Variants in EIPR1 observed in about 807,000 individuals in gnomAD.
EIPR1 encodes the protein EARP complex and GARP complex interacting protein 1, also known as EARP and GARP complex-interacting protein 1.
A neutral mutation model predicts 48.1 loss-of-function variants in EIPR1; 25 were observed. The observed-to-expected ratio is 0.52, with a 90% confidence interval of 0.38 to 0.73. The LOEUF (loss-of-function observed/expected upper bound fraction) is 0.73, where lower values mean the gene tolerates loss of function less well. Among genes scored for constraint, EIPR1 ranks in the 30% least tolerant of loss-of-function variants. The pLI, the probability that EIPR1 is intolerant of heterozygous loss-of-function variation, is 0.00. For missense variants in EIPR1, 415 were observed against 506.2 expected (o/e 0.82, Z 1.73); for synonymous variants, 204 against 201.9 (o/e 1.01, Z -0.09).
chr2:3,319,014 T>C (rs1238705251), intron 3 of EIPR1: 9 of 466,560 alleles, frequency 1.9e-5, no homozygotes, highest in South Asian at 9.3e-5. Flanking sequence ...AACAAAATAG[T>C]TGGGTCCATA....
chr2:3,311,708 G>T (rs904159319), intron 3 of EIPR1, among the ~76,000 whole-genome samples: 4 of 151,596 alleles, frequency 2.6e-5, no homozygotes, highest in African/African-American at 9.7e-5. Context: ...GGCGCCAGGG[G>T]CCTCCAGTCA....
At chr2:3,245,289 T>C (rs993015829) in intron 4 of EIPR1, among the ~76,000 whole-genome samples, 1 of 152,194 alleles carries the variant, frequency 6.6e-6, no homozygotes, top group Non-Finnish European at 1.5e-5. Context: ...CTGGGATCAC[T>C]GCAACCTCCA....
intron 2 of EIPR1, among the ~76,000 whole-genome samples, chr2:3,340,022 T>TCCCCTTTCGCCTTCCGCC (rs1198249359): frequency 6.6e-6 from 1 of 152,168 alleles, no homozygotes; most frequent in East Asian, 1.9e-4. Context: ...AGGCGGCTGC[T>TCCCCTTTCGCCTTCCGCC]CCCCTTTCGC....
intron 1 of EIPR1, among the ~76,000 whole-genome samples, chr2:3,364,047 T>C (rs894108226): frequency 8.5e-5 from 13 of 152,176 alleles, no homozygotes; most frequent in African/African-American, 2.9e-4. Context: ...GAGGGAGCCC[T>C]CATACACTAT....
chr2:3,313,591 G>A (rs1669194282), intron 3 of EIPR1, among the ~76,000 whole-genome samples: 3 of 152,168 alleles, frequency 2.0e-5, no homozygotes, highest in Admixed American at 2.0e-4. Flanking sequence ...GAAGGCCTCA[G>A]GGGTAATAAA....
At chr2:3,254,307 G>C (rs943412625) in intron 4 of EIPR1, among the ~76,000 whole-genome samples, 3 of 152,146 alleles carry the variant, frequency 2.0e-5, no homozygotes, top group African/African-American at 7.2e-5. Context: ...CACACGTGCA[G>C]CAGCTCCACA....
At chr2:3,235,351 C>T (rs1181128269) in intron 4 of EIPR1, among the ~76,000 whole-genome samples, 1 of 152,260 alleles carries the variant, frequency 6.6e-6, no homozygotes. Context: ...TGACCATCTG[C>T]ACAGCAGTGG....
intron 1 of EIPR1, among the ~76,000 whole-genome samples, chr2:3,361,880 A>G (rs1271508182): frequency 6.6e-6 from 1 of 151,552 alleles, no homozygotes; most frequent in Non-Finnish European, 1.5e-5. Flanking sequence ...CACCTCCACC[A>G]TCTGCACACC....
intron 1 of EIPR1, among the ~76,000 whole-genome samples, chr2:3,370,714 G>C (rs139227509): frequency 0.16 from 24,326 of 151,920 alleles, 2,088 homozygotes; most frequent in Non-Finnish European, 0.2. Flanking sequence ...AATGAACAAA[G>C]CCTCCAAGAA....
chr2:3,226,504 T>C (rs1183721597), intron 4 of EIPR1, among the ~76,000 whole-genome samples: 1 of 152,250 alleles, frequency 6.6e-6, no homozygotes, highest in Non-Finnish European at 1.5e-5. Flanking sequence ...ATGAGTTCCT[T>C]ATGTATTTTG....
chr2:3,247,001 GGAGGAGAGAGC>G (rs200787087), intron 4 of EIPR1, among the ~76,000 whole-genome samples: 708 of 1,408 alleles, frequency 0.5, 119 homozygotes, highest in African/African-American at 0.57. Flanking sequence ...AGAGAGCGAG[GGAGGAGAGAGC>G]GAGGGAGGGA....
At chr2:3,351,030 G>C (rs549838324) in intron 2 of EIPR1, among the ~76,000 whole-genome samples, 1 of 136,648 alleles carries the variant, frequency 7.3e-6, no homozygotes, top group East Asian at 2.3e-4. Context: ...ACAGAGTCTC[G>C]CTCTGTCACC....
intron 3 of EIPR1, among the ~76,000 whole-genome samples, chr2:3,288,644 A>T (rs1316687095): frequency 6.6e-6 from 1 of 152,172 alleles, no homozygotes; most frequent in Non-Finnish European, 1.5e-5. Flanking sequence ...CGGGCATCAG[A>T]GGGTGGCAGC....
At chr2:3,275,130 T>C (rs1667809249) in intron 3 of EIPR1, among the ~76,000 whole-genome samples, 1 of 152,200 alleles carries the variant, frequency 6.6e-6, no homozygotes, top group Non-Finnish European at 1.5e-5. Flanking sequence ...ATTGTTAGAC[T>C]GAATTTTTTA....
rs1558275298 is a variant in EIPR1 at position 3,287,843 on chromosome 2, C to CCATGCTCCAGAAAGCTCATTCAG, written c.260-30389_260-30388insCTGAATGAGCTTTCTGGAGCATG. Among the ~76,000 whole-genome samples the CCATGCTCCAGAAAGCTCATTCAG allele has an allele frequency of 5.8e-3, 415 of 71,226 alleles. 4 individuals are homozygous for CCATGCTCCAGAAAGCTCATTCAG. Among genetic ancestry groups the CCATGCTCCAGAAAGCTCATTCAG allele is most frequent in the African/African-American group, 0.011 (206 of 19,524 alleles). 46.7% of individuals were successfully genotyped at this position (71,226 alleles called of 152,430 possible). ...CACCATGCTCCAGAAAGCTCATTCA[C>CCATGCTCCAGAAAGCTCATTCAG]CATGCTCCAGAAAGCTCATTCACCA... On this transcript the variant is annotated intron_variant, in intron 3 of 8. Coordinates refer to ENST00000382125, the MANE Select transcript of EIPR1 (RefSeq NM_003310.5).
intron 4 of EIPR1, among the ~76,000 whole-genome samples, chr2:3,214,972 G>A (rs1479502944): frequency 1.3e-5 from 2 of 152,016 alleles, no homozygotes; most frequent in Non-Finnish European, 2.9e-5. Context: ...TCTCCATCAC[G>A]TGAGGACACA....
intron 1 of EIPR1, among the ~76,000 whole-genome samples, chr2:3,364,400 CAGG>C (rs1214934534): frequency 6.6e-6 from 1 of 152,054 alleles, no homozygotes; most frequent in African/African-American, 2.4e-5. Flanking sequence ...GAAGCCAAGG[CAGG>C]AGGATTGCTT....
chr2:3,204,547 T>C (rs558907624), intron 5 of EIPR1, among the ~76,000 whole-genome samples: 2 of 152,292 alleles, frequency 1.3e-5, no homozygotes, highest in Admixed American at 6.5e-5. Flanking sequence ...AAGAAGAATA[T>C]TCAGTGCTTC....
intron 3 of EIPR1, among the ~76,000 whole-genome samples, chr2:3,287,866 C>CCATGCTCCAGAAAGCTCATTCGG (rs1668251617): frequency 1.0e-4 from 15 of 143,810 alleles, no homozygotes. Flanking sequence ...AGCTCATTCA[C>CCATGCTCCAGAAAGCTCATTCGG]CATGCTCCAG....
Sources: allele counts gnomAD v4.1 joint callset (sites outside exome capture counted in the v4.1 genomes callset), GRCh38; gene constraint gnomAD v4.1.1; transcripts MANE v1.5; gene names NCBI Gene and HGNC (gene_info 2026-07-23, HGNC 2026-07-21).